The following SLC25A17 variants were observed in gnomAD, a reference collection of about 807,000 sequenced individuals.
SLC25A17 encodes the protein peroxisomal membrane protein PMP34.
A neutral mutation model predicts 38.5 loss-of-function variants in SLC25A17; 26 were observed. The observed-to-expected ratio is 0.68, with a 90% CI of 0.50 to 0.94. SLC25A17 has a LOEUF of 0.94. Among genes scored for constraint, SLC25A17 ranks in the 40% least tolerant of loss-of-function variants. SLC25A17 has a pLI of 0.00. For synonymous variants in SLC25A17, 139 were observed against 136.2 expected, an observed-to-expected ratio of 1.02 and a Z score of -0.14; for missense variants, 333 against 372.7, an observed-to-expected ratio of 0.89 and a Z score of 0.88.
Position 40,770,792 on chromosome 22 carries a change from C to A in SLC25A17, c.*42G>T. On this transcript the variant is annotated 3_prime_UTR_variant, in exon 9 of 9. Transcript: ENST00000435456. ...CACTTCTCTTCACTCAGGAGGAAAC[C>A]TCCCTCTTGAGCATCTTCGGAATTT... The A allele has an allele frequency of 6.4e-7, 1 of 1,568,252 alleles. No individual in the cohort carries two copies. The highest frequency in any genetic ancestry group is 1.2e-5 in the South Asian group (1 of 86,288).
chr22:40,792,376 C>T (rs1462395768), intron 4 of SLC25A17, 149 bp downstream of exon 4: 24 of 619,510 alleles, frequency 3.9e-5, no homozygotes, highest in Admixed American at 1.3e-4. Context: ...TTTTATGTCA[C>T]GTTTTTTAAC....
chr22:40,779,095 A>C lies in SLC25A17; in HGVS notation c.365T>G (p.Leu122Arg). 1 of 1,614,252 alleles carries C rather than the reference A, an allele frequency of 6.2e-7. No homozygotes were observed. Among genetic ancestry groups the C allele is most frequent in the South Asian group, 1.1e-5 (1 of 91,082 alleles). Residue 122 changes from leucine (L) to arginine (R), a missense_variant, in exon 5 of 9, where the codon CTC becomes CGC. Transcript: ENST00000435456. Reference protein sequence around the residue: ...GVVNVLLTTPLWVVNTRLKLQ... With the variant: ...GVVNVLLTTPRWVVNTRLKLQ... ...CTTCAGTCTGGTGTTTACCACCCAGAGTGGAGTTGTTAGCAACACATTAAC... is the reference window on the plus strand; with the variant it reads ...CTTCAGTCTGGTGTTTACCACCCAGCGTGGAGTTGTTAGCAACACATTAAC...
intron 2 of SLC25A17, among the ~76,000 whole-genome samples, chr22:40,795,437 C>T (rs1049468077): frequency 6.6e-6 from 1 of 152,128 alleles, no homozygotes; most frequent in South Asian, 2.1e-4. Flanking sequence ...GGACTACAGG[C>T]GCCCACCACG....
intron 4 of SLC25A17, among the ~76,000 whole-genome samples, chr22:40,788,424 G>A (rs1021678912): frequency 1.3e-5 from 2 of 152,172 alleles, no homozygotes; most frequent in African/African-American, 4.8e-5. Context: ...CGGGCGTTGC[G>A]GCTCATGCCT....
At position 40,789,194 on chromosome 22, in the gene SLC25A17, C is replaced by T. The variant is rs1009985360; in HGVS notation, c.334+3331G>A. 10 of 232,316 alleles carry T rather than the reference C, an allele frequency of 4.3e-5. No homozygotes were observed. In the East Asian group the frequency reaches 7.1e-4, roughly 16 times the overall value. The allele number at this position is 232,316 out of a possible 1,614,324, so 14.4% of individuals were successfully genotyped here. A position where few individuals can be genotyped will look rare whatever the true frequency, so the allele number is the denominator to read the frequency against. On this transcript the variant is annotated intron_variant, in intron 4 of 8. Transcript: ENST00000435456. The surrounding 1 kb of genome is among the most constrained non-coding windows in gnomAD (Gnocchi z 4.5). Reference sequence around the variant, plus strand: ...GGGGATGCCCAGCTGCTTGTAGCCACGGCCGAAGCCCCATACCACTTGGTC... The same window carrying T: ...GGGGATGCCCAGCTGCTTGTAGCCATGGCCGAAGCCCCATACCACTTGGTC...
chr22:40,799,361 A>AG (rs1473835734), intron 1 of SLC25A17, among the ~76,000 whole-genome samples: 1 of 149,548 alleles, frequency 6.7e-6, no homozygotes, highest in Non-Finnish European at 1.5e-5. Flanking sequence ...TGGGAGTCAC[A>AG]ACTTTTTTTT....
At chr22:40,801,248 C>G (rs946690441) in intron 1 of SLC25A17, among the ~76,000 whole-genome samples, 2 of 144,818 alleles carry the variant, frequency 1.4e-5, no homozygotes, top group Admixed American at 7.0e-5. Context: ...AATAGGTCAG[C>G]CTCCATGACA....
At chr22:40,777,522 G>A (rs1052567821) in intron 5 of SLC25A17, 149 bp from the exon 6 acceptor site, 52 of 913,780 alleles carry the variant, frequency 5.7e-5, no homozygotes, top group Admixed American at 8.3e-5. Flanking sequence ...AATGGCTCAC[G>A]CCTGTAGTCC....
intron 4 of SLC25A17, among the ~76,000 whole-genome samples, chr22:40,788,359 T>C (rs2057356244): frequency 6.6e-6 from 1 of 152,150 alleles, no homozygotes; most frequent in African/African-American, 2.4e-5. Flanking sequence ...TGTAGGAAAA[T>C]GTTTGATTTT....
In SLC25A17 at chr22:40,770,364, C is replaced by A. The variant is rs905374260; in HGVS notation, c.*470G>T. ...AAATAAAGTCATGCCCGTGGCACAG[C>A]CCTAATGTTAGTTTTAGGGAGGAAA... On this transcript the variant is annotated 3_prime_UTR_variant, in exon 9 of 9. Coordinates refer to ENST00000435456, the MANE Select transcript of SLC25A17 (RefSeq NM_006358.4). 1.3e-5 allele frequency: 2 copies of A among 152,150 alleles called. No homozygotes were observed. Among genetic ancestry groups the A allele is most frequent in the African/African-American group, 2.4e-5 (1 of 41,400 alleles). 9.4% of individuals were successfully genotyped at this position (152,150 alleles called of 1,614,324 possible).
At chr22:40,773,519 CACCATCATCATT>C (rs1277287345) in intron 8 of SLC25A17, among the ~76,000 whole-genome samples, 1 of 151,984 alleles carries the variant, frequency 6.6e-6, no homozygotes, top group African/African-American at 2.4e-5. Flanking sequence ...TTACCAACAC[CACCATCATCATT>C]ATCATCATCA....
chr22:40,806,206 G>A (rs2057528599), intron 1 of SLC25A17, among the ~76,000 whole-genome samples: 1 of 152,154 alleles, frequency 6.6e-6, no homozygotes, highest in Admixed American at 6.6e-5. Context: ...GCTGTGAAGT[G>A]GGGAGGAAAC....
intron 4 of SLC25A17, chr22:40,788,889 A>G (rs1372853515): frequency 3.8e-6 from 1 of 260,208 alleles, no homozygotes; most frequent in Non-Finnish European, 8.0e-6. Flanking sequence ...AATCACCTTG[A>G]ATTGCTGAAA....
chr22:40,779,210 C>T, intron 4 of SLC25A17, 85 bp from the exon 5 acceptor site: 2 of 1,601,840 alleles, frequency 1.2e-6, no homozygotes, highest in Non-Finnish European at 1.7e-6. Flanking sequence ...TACCAATATT[C>T]CATTTATATC....
intron 4 of SLC25A17, among the ~76,000 whole-genome samples, chr22:40,790,340 C>CAAAAAAAAA (rs138301): frequency 4.9e-5 from 3 of 61,206 alleles, no homozygotes; most frequent in Non-Finnish European, 9.0e-5. Flanking sequence ...GACACAATCT[C>CAAAAAAAAA]AAAAAAAAAA....
chr22:40,815,913 G>A (rs7286573), intron 1 of SLC25A17, among the ~76,000 whole-genome samples: 2,665 of 152,220 alleles, frequency 0.018, 70 homozygotes, highest in African/African-American at 0.059. Context: ...CAGGCCAGGC[G>A]CAGTGGCTCA....
At chr22:40,793,339 A>C (rs1313427353) in intron 3 of SLC25A17, among the ~76,000 whole-genome samples, 1 of 152,240 alleles carries the variant, frequency 6.6e-6, no homozygotes, top group Non-Finnish European at 1.5e-5. Context: ...TAGGGGAAAA[A>C]TGTTGATAAA....
intron 1 of SLC25A17, among the ~76,000 whole-genome samples, chr22:40,799,998 C>G (rs1450605137): frequency 6.6e-6 from 1 of 152,006 alleles, no homozygotes; most frequent in Non-Finnish European, 1.5e-5. Flanking sequence ...ACCAAAATAC[C>G]CGGTAATTAA....
At chr22:40,811,253 A>AT (rs1370128126) in intron 1 of SLC25A17, among the ~76,000 whole-genome samples, 6 of 94,858 alleles carry the variant, frequency 6.3e-5, no homozygotes, top group African/African-American at 2.2e-4. Flanking sequence ...TTTATTTTTA[A>AT]TTTTTGTTTT....
Sources: allele counts gnomAD v4.1 joint callset (sites outside exome capture counted in the v4.1 genomes callset), GRCh38; gene constraint gnomAD v4.1.1; non-coding constraint Gnocchi (gnomAD v3.1); transcripts MANE v1.5; gene names NCBI Gene and HGNC (gene_info 2026-07-23, HGNC 2026-07-21).